Variants in PPFIBP1 observed in about 807,000 individuals in gnomAD.
The protein encoded by PPFIBP1 is liprin-beta-1.
PPFIBP1 carries 112 observed loss-of-function variants against 137.8 expected under a neutral mutation model. That is an observed-to-expected ratio of 0.81 (90% CI 0.70 to 0.95). The LOEUF (loss-of-function observed/expected upper bound fraction) is 0.95, where lower values mean the gene tolerates loss of function less well. Ranked by LOEUF, PPFIBP1 falls within the 40% of genes least tolerant of loss-of-function variation. The pLI is 0.00. For synonymous variants in PPFIBP1, 378 were observed against 417.3 expected (o/e 0.91, Z 1.15); for missense variants, 1,083 against 1,196.6 (o/e 0.91, Z 1.40).
intron 27 of PPFIBP1, among the ~76,000 whole-genome samples, chr12:27,690,981 A>G (rs954968340): frequency 1.3e-5 from 2 of 151,436 alleles, no homozygotes; most frequent in Admixed American, 6.6e-5. Context: ...TCCTCCAGAA[A>G]TTTGTGCCAA....
chr12:27,642,515 T>C (rs1227149538), intron 4 of PPFIBP1, among the ~76,000 whole-genome samples: 1 of 152,192 alleles, frequency 6.6e-6, no homozygotes, highest in African/African-American at 2.4e-5. Flanking sequence ...CTGAGAAACT[T>C]AGGCTGAGTG....
At chr12:27,530,634 T>G (rs755369992) in intron 1 of PPFIBP1, among the ~76,000 whole-genome samples, 2 of 152,238 alleles carry the variant, frequency 1.3e-5, no homozygotes, top group African/African-American at 2.4e-5. Context: ...TTTCTGTAAC[T>G]GAACCCATTT....
intron 2 of PPFIBP1, among the ~76,000 whole-genome samples, chr12:27,610,464 C>T (rs780276450): frequency 3.3e-5 from 5 of 152,132 alleles, no homozygotes; most frequent in Admixed American, 6.5e-5. Flanking sequence ...GCACTTAAAG[C>T]GCCCAGACTA....
chr12:27,663,124 G>C (rs527317361), intron 11 of PPFIBP1, among the ~76,000 whole-genome samples: 9 of 152,282 alleles, frequency 5.9e-5, no homozygotes, highest in African/African-American at 2.2e-4. Context: ...TCTCCAGATG[G>C]TCTCCCATCC....
chr12:27,662,072 G>C (rs1156978000), intron 11 of PPFIBP1, among the ~76,000 whole-genome samples: 1 of 151,936 alleles, frequency 6.6e-6, no homozygotes, highest in African/African-American at 2.4e-5. Context: ...CAAACTGTTA[G>C]AGGGGCACCC....
At chr12:27,607,137 A>G (rs909388600) in intron 2 of PPFIBP1, among the ~76,000 whole-genome samples, 7 of 152,242 alleles carry the variant, frequency 4.6e-5, no homozygotes, top group African/African-American at 1.7e-4. Context: ...TTTTCTGTAC[A>G]GATTAGGCAC....
rs1307625296 is a variant in PPFIBP1, at chr12:27,640,472, G to C, written c.270+5357G>C. On this transcript the variant is annotated intron_variant, in intron 4 of 29. Coordinates refer to ENST00000228425, the MANE Select transcript of PPFIBP1 (RefSeq NM_003622.4). ...TGCTGCTATACTGAGATAGGAGCTG[G>C]GGCTTCGCTTTTAGGAACACTGGGA... 7.2e-5 allele frequency among the ~76,000 whole-genome samples: 11 copies of C among 152,136 alleles called. No homozygotes were observed. The East Asian group carries it at 2.1e-3, about 29-fold the overall frequency.
intron 2 of PPFIBP1, among the ~76,000 whole-genome samples, chr12:27,629,745 C>T (rs144139315): frequency 2.5e-3 from 385 of 152,226 alleles, no homozygotes; most frequent in African/African-American, 8.6e-3. Context: ...ATACGTTGAC[C>T]TAGCCCTGAA....
intron 2 of PPFIBP1, among the ~76,000 whole-genome samples, chr12:27,583,947 T>A (rs1186062392): frequency 6.6e-6 from 1 of 152,118 alleles, no homozygotes; most frequent in African/African-American, 2.4e-5. Context: ...CTTTACTTGA[T>A]AAAATCAGTT....
chr12:27,582,955 G>C (rs914767011), intron 2 of PPFIBP1, among the ~76,000 whole-genome samples: 1 of 152,132 alleles, frequency 6.6e-6, no homozygotes, highest in African/African-American at 2.4e-5. Context: ...CTTGCTTGTT[G>C]TTTGTTTTTT....
chr12:27,646,134 T>G lies in PPFIBP1; in HGVS notation c.343T>G (p.Ser115Ala). The G allele has an allele frequency of 1.9e-6, 3 of 1,606,982 alleles. No individual in the cohort carries two copies. The highest frequency in any genetic ancestry group is 2.6e-6 in the Non-Finnish European group (3 of 1,173,740). Residue 115 changes from serine (S) to alanine (A), a missense_variant, in exon 5 of 30, where the codon TCC becomes GCC. Physicochemically the swap from Ser to Ala is moderately conservative, Grantham distance 99. Transcript: ENST00000228425. ...GGCACGTTTAGAAAATGATAAAGAA[T>G]CCCTCGTTCTTCAGGCAAGTGATTT... ...RLARLENDKESLVLQVSVLTD... is the reference protein window; with the variant it reads ...RLARLENDKEALVLQVSVLTD...
intron 2 of PPFIBP1, among the ~76,000 whole-genome samples, chr12:27,581,967 C>CGT (rs372486548): frequency 4.0e-5 from 6 of 148,974 alleles, no homozygotes; most frequent in Non-Finnish European, 8.9e-5. Flanking sequence ...AGATGCTTTG[C>CGT]GTGTGTGTGT....
At chr12:27,633,816 C>A (rs531929984) in intron 3 of PPFIBP1, among the ~76,000 whole-genome samples, 63 of 118,370 alleles carry the variant, frequency 5.3e-4, no homozygotes, top group African/African-American at 1.7e-3. Context: ...AATTCACTTT[C>A]CACCAATGAC....
intron 1 of PPFIBP1, among the ~76,000 whole-genome samples, chr12:27,535,579 T>G (rs975904857): frequency 2.0e-5 from 3 of 151,460 alleles, no homozygotes; most frequent in Admixed American, 6.6e-5. Flanking sequence ...AATTTTTTTT[T>G]GTAGAGACAG....
chr12:27,551,619 T>G (rs764175093), intron 1 of PPFIBP1, among the ~76,000 whole-genome samples: 13 of 152,228 alleles, frequency 8.5e-5, no homozygotes, highest in Non-Finnish European at 1.8e-4. Flanking sequence ...AGCTGGGTAT[T>G]CTTCCTACAA....
Position 27,635,069 on chromosome 12 carries a change from C to T in PPFIBP1, c.224C>T (p.Pro75Leu). ...AAAGAAGGCTTGAGATGCCAGATCC[C>T]AGATTCAACAGCAGAAACGCTTGTT... ...DEKEGLRCQI[P>L]DSTAETLVEW... is the part of the protein sequence containing the mutation. The change falls in exon 4 of 30, where the codon CCA (proline) becomes CTA (leucine). Residue 75 changes from proline to leucine, a missense_variant. By Grantham distance (98) the Pro-to-Leu change is moderately conservative. Coordinates refer to ENST00000228425, the MANE Select transcript of PPFIBP1 (RefSeq NM_003622.4). The T allele has an allele frequency of 3.1e-6, 5 of 1,614,170 alleles. No homozygotes were observed. The highest frequency in any genetic ancestry group is 4.2e-6 in the Non-Finnish European group (5 of 1,180,018).
chr12:27,649,958 G>C (rs141848792), intron 6 of PPFIBP1, 52 bp from the exon 7 acceptor site: 1 of 1,522,438 alleles, frequency 6.6e-7, no homozygotes. Context: ...GTAAATTCAC[G>C]TGCCTGTTTA....
rs540452024 is a variant in PPFIBP1, at chr12:27,675,999, A to G, written c.1411-429A>G. 1.4e-4 allele frequency among the ~76,000 whole-genome samples: 21 copies of G among 152,320 alleles called. No homozygotes were observed. The South Asian group carries it at 2.5e-3, about 18-fold the overall frequency. On this transcript the variant is annotated intron_variant, in intron 17 of 29. Transcript: ENST00000228425. ...ATAATTAATATTATATTAGGCTTCT[A>G]TTGACAAAGTTATAATATAAGAATA...
intron 13 of PPFIBP1, among the ~76,000 whole-genome samples, chr12:27,667,649 A>G (rs2059937988): frequency 6.6e-6 from 1 of 152,232 alleles, no homozygotes; most frequent in Non-Finnish European, 1.5e-5. Context: ...CTTCAATGAC[A>G]GCATTTCTTT....
Sources: allele counts gnomAD v4.1 joint callset (sites outside exome capture counted in the v4.1 genomes callset), GRCh38; gene constraint gnomAD v4.1.1; transcripts MANE v1.5; gene names NCBI Gene and HGNC (gene_info 2026-07-23, HGNC 2026-07-21).